The following LRRTM4 variants were observed in gnomAD, a reference collection of about 807,000 sequenced individuals.
LRRTM4 encodes leucine-rich repeat transmembrane neuronal protein 4.
In LRRTM4, 25 loss-of-function variants were observed where a neutral mutation model predicts 47.6. That is an observed-to-expected ratio of 0.53 (90% CI 0.38 to 0.73). The LOEUF (loss-of-function observed/expected upper bound fraction) is 0.73, where lower values mean the gene tolerates loss of function less well. Among genes scored for constraint, LRRTM4 ranks in the 30% least tolerant of loss-of-function variants. The pLI, the probability that LRRTM4 is intolerant of heterozygous loss-of-function variation, is 0.00. For synonymous variants in LRRTM4, 311 were observed against 269.5 expected (o/e 1.15, Z -1.51); for missense variants, 638 against 713.4 (o/e 0.89, Z 1.20).
intron 3 of LRRTM4, among the ~76,000 whole-genome samples, chr2:77,379,704 G>C (rs1672980176): frequency 6.6e-6 from 1 of 151,916 alleles, no homozygotes; most frequent in African/African-American, 2.4e-5. Flanking sequence ...AATAAATTCT[G>C]TTTTGTTTTG....
intron 3 of LRRTM4, among the ~76,000 whole-genome samples, chr2:77,197,005 G>A (rs1294990636): frequency 6.6e-6 from 1 of 151,836 alleles, no homozygotes; most frequent in Non-Finnish European, 1.5e-5. Flanking sequence ...TTGGCTCTGT[G>A]AGTTTCATTA....
chr2:77,080,289 T>C (rs1455121578), intron 3 of LRRTM4, among the ~76,000 whole-genome samples: 2 of 152,196 alleles, frequency 1.3e-5, no homozygotes, highest in African/African-American at 2.4e-5. Context: ...TTGACCTTTA[T>C]TCTTCTCTTC....
intron 3 of LRRTM4, among the ~76,000 whole-genome samples, chr2:77,452,799 A>G (rs1676311958): frequency 6.6e-6 from 1 of 152,186 alleles, no homozygotes; most frequent in Admixed American, 6.5e-5. Context: ...AACTAAAATG[A>G]TGGCTTTTTT....
At chr2:77,096,801 C>T (rs1422012140) in intron 3 of LRRTM4, among the ~76,000 whole-genome samples, 1 of 151,276 alleles carries the variant, frequency 6.6e-6, no homozygotes, top group African/African-American at 2.4e-5. Flanking sequence ...ATTAAAAACA[C>T]AAAAATAAAG....
At chr2:76,935,157 G>T (rs902162613) in intron 3 of LRRTM4, among the ~76,000 whole-genome samples, 1 of 152,124 alleles carries the variant, frequency 6.6e-6, no homozygotes, top group African/African-American at 2.4e-5. Flanking sequence ...ATTGTGTAGT[G>T]TAAGTAATGG....
intron 3 of LRRTM4, among the ~76,000 whole-genome samples, chr2:76,774,021 CA>C (rs1006265292): frequency 2.6e-5 from 4 of 151,978 alleles, no homozygotes; most frequent in African/African-American, 9.7e-5. Context: ...ACACCACAGT[CA>C]AAATCCATAT....
intron 3 of LRRTM4, among the ~76,000 whole-genome samples, chr2:76,942,792 T>C (rs1410412560): frequency 6.6e-6 from 1 of 151,972 alleles, no homozygotes; most frequent in African/African-American, 2.4e-5. Flanking sequence ...GTGTGGGGAA[T>C]AGTAGGTACT....
chr2:77,078,713 A>G (rs1023363521), intron 3 of LRRTM4, among the ~76,000 whole-genome samples: 1 of 152,210 alleles, frequency 6.6e-6, no homozygotes, highest in African/African-American at 2.4e-5. Flanking sequence ...AGCAAGCAAA[A>G]GGCTATAGAA....
intron 3 of LRRTM4, among the ~76,000 whole-genome samples, chr2:76,966,025 G>C (rs1573378078): frequency 1.3e-5 from 2 of 151,400 alleles, no homozygotes; most frequent in African/African-American, 2.4e-5. Flanking sequence ...GCAAGAGTTG[G>C]CTACAAATCG....
chr2:77,459,096 C>T (rs997303807), intron 3 of LRRTM4, among the ~76,000 whole-genome samples: 3 of 152,050 alleles, frequency 2.0e-5, no homozygotes, highest in African/African-American at 4.8e-5. Flanking sequence ...AAAGTTCAGA[C>T]ATTCATTTTT....
chr2:76,974,921 ATC>A (rs1010657971), intron 3 of LRRTM4, among the ~76,000 whole-genome samples: 11 of 151,696 alleles, frequency 7.3e-5, no homozygotes, highest in Non-Finnish European at 1.3e-4. Context: ...TAATAATAAT[ATC>A]TTTTTTCTCT....
chr2:77,036,607 C>A (rs1287099329), intron 3 of LRRTM4, among the ~76,000 whole-genome samples: 1 of 151,650 alleles, frequency 6.6e-6, no homozygotes, highest in African/African-American at 2.4e-5. Context: ...CATGTCAAAT[C>A]TCTTAAAATA....
At chr2:77,309,411 A>C (rs1282080744) in intron 3 of LRRTM4, among the ~76,000 whole-genome samples, 1 of 152,210 alleles carries the variant, frequency 6.6e-6, no homozygotes, top group South Asian at 2.1e-4. Flanking sequence ...ATTGGTGCAG[A>C]TATGGCCATA....
chr2:77,194,757 G>A (rs1416562329), intron 3 of LRRTM4, among the ~76,000 whole-genome samples: 2 of 152,050 alleles, frequency 1.3e-5, no homozygotes, highest in South Asian at 4.1e-4. Flanking sequence ...AACATGAGCA[G>A]GATCCTGCTC....
intron 3 of LRRTM4, among the ~76,000 whole-genome samples, chr2:77,337,626 GA>G (rs1671215015): frequency 6.6e-6 from 1 of 152,080 alleles, no homozygotes; most frequent in African/African-American, 2.4e-5. Context: ...ACCTTGTGAA[GA>G]AGGTACTTGC....
intron 3 of LRRTM4, among the ~76,000 whole-genome samples, chr2:76,938,687 G>A (rs565446093): frequency 6.6e-6 from 1 of 151,982 alleles, no homozygotes; most frequent in African/African-American, 2.4e-5. Context: ...GTTTTTCTCA[G>A]GAAGAGGTCT....
chr2:76,868,823 C>G (rs1171787935), intron 3 of LRRTM4, among the ~76,000 whole-genome samples: 2 of 152,092 alleles, frequency 1.3e-5, no homozygotes, highest in Non-Finnish European at 2.9e-5. Context: ...CTTTTCTGGG[C>G]AGTCTTTTTT....
chr2:77,366,181 C>G (rs1262979584), intron 3 of LRRTM4, among the ~76,000 whole-genome samples: 3 of 151,658 alleles, frequency 2.0e-5, no homozygotes, highest in Non-Finnish European at 4.4e-5. Flanking sequence ...AACATTCACC[C>G]AATCCAATCT....
intron 3 of LRRTM4, among the ~76,000 whole-genome samples, chr2:76,789,090 ACCCTATACTTTAGAGATGCTAAGTTCCAG>A (rs1452999814): frequency 6.6e-6 from 1 of 152,014 alleles, no homozygotes; most frequent in African/African-American, 2.4e-5. Context: ...AAAAAAAGGA[ACCCTATACTTTAGAGATGCTAAGTTCCAG>A]CCCACGCTGC....
Sources: allele counts gnomAD v4.1 joint callset (sites outside exome capture counted in the v4.1 genomes callset), GRCh38; gene constraint gnomAD v4.1.1; transcripts MANE v1.5; gene names NCBI Gene and HGNC (gene_info 2026-07-23, HGNC 2026-07-21).